The following HYCC1 variants were observed in gnomAD, a reference collection of about 807,000 sequenced individuals.
HYCC1 encodes hyccin PI4KA lipid kinase complex subunit 1, also known as hyccin.
chr7:22,964,546 A>G, the HYCC1 span: 3 of 1,423,444 alleles, frequency 2.1e-6, no homozygotes, highest in Admixed American at 5.0e-5. Context: ...AAAAACCAAA[A>G]TAAATGTATT....
At chr7:22,897,792 T>G in the HYCC1 span, among the ~76,000 whole-genome samples, 1 of 151,666 alleles carries the variant, frequency 6.6e-6, no homozygotes, top group African/African-American at 2.4e-5. Context: ...TTTTTAAAAT[T>G]TATTTATTTA....
At chr7:22,974,285 C>T in the HYCC1 span, among the ~76,000 whole-genome samples, 2 of 152,096 alleles carry the variant, frequency 1.3e-5, no homozygotes, top group Non-Finnish European at 2.9e-5. Flanking sequence ...TTAAAATAGT[C>T]TCCCTTTTGT....
At chr7:22,976,356 C>A in the HYCC1 span, 2 of 1,340,172 alleles carry the variant, frequency 1.5e-6, no homozygotes, top group South Asian at 2.4e-5. Flanking sequence ...TCTAAGAAGT[C>A]AACTATAATA....
the HYCC1 span, chr7:22,943,419 T>G: frequency 6.6e-6 from 1 of 152,080 alleles, no homozygotes; most frequent in Non-Finnish European, 1.5e-5. Context: ...AGACCTAGAG[T>G]GGCATGAAAT....
chr7:22,978,428 G>C, the HYCC1 span: 1 of 1,613,916 alleles, frequency 6.2e-7, no homozygotes, highest in South Asian at 1.1e-5. Flanking sequence ...CAAAGAGCTG[G>C]TGACAGACAG....
the HYCC1 span, among the ~76,000 whole-genome samples, chr7:22,910,846 T>C: frequency 6.8e-6 from 1 of 147,866 alleles, no homozygotes; most frequent in Non-Finnish European, 1.5e-5. Context: ...TTTAAGAGTA[T>C]GCTTATTCTT....
chr7:23,013,885 C>G, the HYCC1 span: 1 of 458,648 alleles, frequency 2.2e-6, no homozygotes, highest in Non-Finnish European at 4.5e-6. Context: ...CGTTGCCGGA[C>G]GCCCTGGGGG....
At chr7:22,932,192 G>A in the HYCC1 span, among the ~76,000 whole-genome samples, 1 of 152,160 alleles carries the variant, frequency 6.6e-6, no homozygotes. Context: ...CTTGTCTAAT[G>A]GCTTGAACGC....
At chr7:22,923,935 T>C in the HYCC1 span, among the ~76,000 whole-genome samples, 1 of 142,038 alleles carries the variant, frequency 7.0e-6, no homozygotes, top group South Asian at 2.2e-4. Context: ...GGCAGGCAGA[T>C]CACTTGAGGT....
chr7:22,992,614 T>C, the HYCC1 span, among the ~76,000 whole-genome samples: 4 of 152,160 alleles, frequency 2.6e-5, no homozygotes, highest in Non-Finnish European at 4.4e-5. Context: ...GTGAGTTTCA[T>C]AACCAATTCT....
the HYCC1 span, among the ~76,000 whole-genome samples, chr7:22,951,097 G>GC: frequency 6.6e-6 from 1 of 151,740 alleles, no homozygotes; most frequent in Non-Finnish European, 1.5e-5. Context: ...AAATAATTTT[G>GC]CCCAAAAAAA....
chr7:22,954,516 A>C, the HYCC1 span, among the ~76,000 whole-genome samples: 8 of 151,300 alleles, frequency 5.3e-5, no homozygotes, highest in Non-Finnish European at 8.9e-5. Flanking sequence ...ATAATCATTT[A>C]ACTTTATTTA....
the HYCC1 span, chr7:22,940,980 GC>G: frequency 6.6e-6 from 1 of 152,054 alleles, no homozygotes; most frequent in African/African-American, 2.4e-5. Flanking sequence ...ACCTAAATTT[GC>G]CTGTGCTTCT....
the HYCC1 span, chr7:22,964,416 A>T: frequency 6.5e-7 from 1 of 1,543,280 alleles, no homozygotes; most frequent in Non-Finnish European, 9.0e-7. Flanking sequence ...GATACTTACA[A>T]GGCAAAATAA....
the HYCC1 span, among the ~76,000 whole-genome samples, chr7:22,985,314 C>T: frequency 6.6e-6 from 1 of 152,192 alleles, no homozygotes; most frequent in Non-Finnish European, 1.5e-5. Context: ...TTTCACTTTA[C>T]TGTGAGCTCC....
the HYCC1 span, among the ~76,000 whole-genome samples, chr7:22,928,147 A>G: frequency 1.1e-4 from 17 of 152,176 alleles, no homozygotes; most frequent in Admixed American, 1.1e-3. Context: ...CCTTCATGCT[A>G]AAAACTCTCA....
the HYCC1 span, chr7:22,940,427 T>A: frequency 6.6e-6 from 1 of 151,956 alleles, no homozygotes; most frequent in Admixed American, 6.6e-5. Flanking sequence ...AATTTTTGTA[T>A]TTTTAGTAGA....
the HYCC1 span, among the ~76,000 whole-genome samples, chr7:23,013,145 G>A: frequency 1.3e-5 from 2 of 152,200 alleles, no homozygotes; most frequent in African/African-American, 4.8e-5. Context: ...AGCAAATTTC[G>A]GGGAAGCGTA....
the HYCC1 span, among the ~76,000 whole-genome samples, chr7:22,946,553 T>C: frequency 5.9e-5 from 9 of 151,962 alleles, no homozygotes; most frequent in African/African-American, 2.2e-4. Flanking sequence ...TTTTAAAAAA[T>C]TGGTATTAGA....
Sources: allele counts gnomAD v4.1 joint callset (sites outside exome capture counted in the v4.1 genomes callset), GRCh38; gene constraint gnomAD v4.1.1; transcripts MANE v1.5; gene names NCBI Gene and HGNC (gene_info 2026-07-23, HGNC 2026-07-21).